NBPF26: variants seen among roughly 807,000 people sequenced by gnomAD.
NBPF26 encodes NBPF family member NBPF26.
NBPF26 carries 79 observed loss-of-function variants against 119.6 expected under a neutral mutation model. That is an observed-to-expected ratio of 0.66 (90% CI 0.55 to 0.80). NBPF26 has a LOEUF of 0.80. Ranked by LOEUF, NBPF26 falls within the 30% of genes least tolerant of loss-of-function variation. The pLI is 0.00. For missense variants in NBPF26, 800 were observed against 1,198.2 expected (o/e 0.67, Z 4.91); for synonymous variants, 299 against 457.7 (o/e 0.65, Z 4.43).
At chr1:120,752,579 T>TTTTTTC (rs1651036080) in intron 1 of NBPF26, among the ~76,000 whole-genome samples, 1 of 39,534 alleles carries the variant, frequency 2.5e-5, no homozygotes, top group Non-Finnish European at 4.1e-5. Flanking sequence ...TTTTTTCTTT[T>TTTTTTC]TTTTTTTTTC....
At chr1:120,793,653 C>T in intron 4 of NBPF26, 157 bp downstream of exon 4, 1 of 609,566 alleles carries the variant, frequency 1.6e-6, no homozygotes, top group Non-Finnish European at 2.9e-6. Context: ...TTTTATGGGC[C>T]CACTGTGGTC....
Position 120,805,397 on chromosome 1 carries a change from G to A in NBPF26, c.752-159G>A. 2.5e-6 allele frequency: 3 copies of A among 1,187,358 alleles called. 1 individual carries two copies. Among genetic ancestry groups the A allele is most frequent in the South Asian group, 1.4e-5 (1 of 69,204 alleles). The allele number at this position is 1,187,358 out of a possible 1,614,324, so 73.6% of individuals were successfully genotyped here. On this transcript the variant is annotated intron_variant, in intron 4 of 29. Transcript: ENST00000620612. ...TCTGAGTTGAGGCACCTCGAACCTT[G>A]TTTTTGTGGTGAAGGATCCTAAAGT...
In NBPF26 at chr1:120,809,855, G is replaced by A. The variant is rs1314173069; in HGVS notation, c.1324G>A (p.Glu442Lys). 1.5e-4 allele frequency: 222 copies of A among 1,477,186 alleles called. 1 individual carries two copies. Among genetic ancestry groups the A allele is most frequent in the Middle Eastern group, 2.1e-4 (1 of 4,702 alleles). The allele number at this position is 1,477,186 out of a possible 1,614,324, so 91.5% of individuals were successfully genotyped here. The change falls in exon 8 of 30, where the codon GAG (glutamate) becomes AAG (lysine). Residue 442 changes from glutamate (E) to lysine (K), a missense_variant. Glu to Lys is a moderately conservative substitution (Grantham distance 56). Transcript: ENST00000620612. ...TGAAGATGTTCAAGTTGAGGAGGAT[G>A]AGAAAGTACTGGAATCATCTGCCCC...
chr1:120,745,799 G>T (rs1650976592), intron 1 of NBPF26, among the ~76,000 whole-genome samples: 1 of 42,292 alleles, frequency 2.4e-5, no homozygotes, highest in African/African-American at 2.2e-4. Flanking sequence ...CTGGGCAATA[G>T]AGAGAGACTG....
chr1:120,762,482 A>C lies in NBPF26; in HGVS notation c.74-1146A>C, dbSNP rs1429495708. Reference sequence around the variant, plus strand: ...AGGCCTAGCGTCTCTCTGATCTTGCACAATTTATGCATAGAGTGGTGTGGT... The same window carrying C: ...AGGCCTAGCGTCTCTCTGATCTTGCCCAATTTATGCATAGAGTGGTGTGGT... On this transcript the variant is annotated intron_variant, in intron 1 of 29. Coordinates refer to ENST00000620612, the Ensembl canonical transcript of NBPF26. 3.5e-3 allele frequency among the ~76,000 whole-genome samples: 393 copies of C among 110,758 alleles called. 72 individuals carry two copies. Among genetic ancestry groups the C allele is most frequent in the Non-Finnish European group, 5.5e-3 (313 of 57,020 alleles). 72.7% of individuals were successfully genotyped at this position (110,758 alleles called of 152,430 possible). A position where few individuals can be genotyped will look rare whatever the true frequency, so the allele number is the denominator to read the frequency against.
Position 120,801,826 on chromosome 1 carries a change from CAAA to C in NBPF26, c.752-3707_752-3705del, listed in dbSNP as rs1168359637. Among the ~76,000 whole-genome samples, 14 of 9,074 alleles carry C rather than the reference CAAA, an allele frequency of 1.5e-3. 1 individual carries two copies. Among genetic ancestry groups the C allele is most frequent in the African/African-American group, 3.4e-3 (3 of 890 alleles). 6.0% of individuals were successfully genotyped at this position (9,074 alleles called of 152,430 possible). ...TGGGTGACAGAACAAGACCCTGTCT[CAAA>C]AAAAAAAAAAAAAAAAAAAAAAGGC... is the stretch of plus-strand genomic sequence containing the variant. On this transcript the variant is annotated intron_variant, in intron 4 of 29. Coordinates refer to ENST00000620612, the Ensembl canonical transcript of NBPF26.
chr1:120,781,708 C>T lies in NBPF26; in HGVS notation c.156-3266C>T, dbSNP rs1268128716. On this transcript the variant is annotated intron_variant, in intron 2 of 29. Coordinates refer to ENST00000620612, the Ensembl canonical transcript of NBPF26. ...CCTCCCGAGTAGCTGGGACTACAGG[C>T]GCCTGCCACCACGCCTGGCTAATTT... Among the ~76,000 whole-genome samples, 23 of 82,872 alleles carry T rather than the reference C, an allele frequency of 2.8e-4. 4 individuals are homozygous for T. Among genetic ancestry groups the T allele is most frequent in the South Asian group, 1.6e-3 (5 of 3,040 alleles). 54.4% of individuals were successfully genotyped at this position (82,872 alleles called of 152,430 possible).
intron 1 of NBPF26, among the ~76,000 whole-genome samples, chr1:120,745,782 C>T (rs1423288081): frequency 4.6e-5 from 2 of 43,916 alleles, no homozygotes; most frequent in East Asian, 9.0e-4. Flanking sequence ...CGCCATTGCA[C>T]TCCAACCTGG....
At position 120,840,514 on chromosome 1, in the gene NBPF26, A is replaced by T; in HGVS notation, c.4268A>T (p.Tyr1423Phe). ...GAAGAGCATATCAGCTTCGCCCTTT[A>T]CGTGGACAATAGGTTTTTTACTTTG... Residue 1423 changes from tyrosine (Y) to phenylalanine (F), a missense_variant, in exon 30 of 30, where the codon TAC becomes TTC. By Grantham distance (22) the Tyr-to-Phe change is conservative. Around this residue, in one of 13 missense-constraint regions of NBPF26, gnomAD observed 155 missense variants for 95.9 expected, o/e 1.62. Transcript: ENST00000620612. 2 of 1,475,240 alleles carry T rather than the reference A, an allele frequency of 1.4e-6. 1 individual carries two copies. The highest frequency in any genetic ancestry group is 1.8e-6 in the Non-Finnish European group (2 of 1,089,750). 91.4% of individuals were successfully genotyped at this position (1,475,240 alleles called of 1,614,324 possible).
chr1:120,816,752 G>A, exon 14 of NBPF26: 1 of 1,390,816 alleles, frequency 7.2e-7, no homozygotes, highest in Non-Finnish European at 9.6e-7. Context: ...CACATTTGAG[G>A]AAGACAAAGT....
At position 120,840,439 on chromosome 1, in the gene NBPF26, A is replaced by T. The variant is rs1652490824; in HGVS notation, c.4193A>T (p.Glu1398Val). The change falls in exon 30 of 30, where the codon GAA (glutamate) becomes GTA (valine). Residue 1398 changes from glutamate to valine, a missense_variant. Glu to Val is a moderately radical substitution (Grantham distance 121). Coordinates refer to ENST00000620612, the Ensembl canonical transcript of NBPF26. ...TATTCGACTCCGTCAATGTACTTTG[A>T]ACTACCTGACTCATTCCAGCACTAC... 6.1e-6 allele frequency: 9 copies of T among 1,474,576 alleles called. 2 individuals are homozygous for T. The highest frequency in any genetic ancestry group is 2.3e-5 in the East Asian group (1 of 44,424). The allele number at this position is 1,474,576 out of a possible 1,614,324, so 91.3% of individuals were successfully genotyped here.
At position 120,823,790 on chromosome 1, in the gene NBPF26, G is replaced by GTGTGTGTGTT. The variant is rs1379538903; in HGVS notation, c.2640-183_2640-182insGTGTGTGTTT. ...TGTGTGTGTGTGTGTGTGTGTGTGT[G>GTGTGTGTGTT]TCTTTCATCTTTTTCTACCTGGCCC... On this transcript the variant is annotated intron_variant, in intron 17 of 29. Transcript: ENST00000620612. Among the ~76,000 whole-genome samples, 14 of 109,786 alleles carry GTGTGTGTGTT rather than the reference G, an allele frequency of 1.3e-4. 2 individuals carry two copies. The highest frequency in any genetic ancestry group is 7.1e-4 in the African/African-American group (14 of 19,720). 72.0% of individuals were successfully genotyped at this position (109,786 alleles called of 152,430 possible). A position where few individuals can be genotyped will look rare whatever the true frequency, so the allele number is the denominator to read the frequency against.
At chr1:120,840,666 G>C (rs1553273618), downstream of NBPF26, 15,865 of 1,430,994 alleles carry the variant, frequency 0.011, 3,133 homozygotes, top group African/African-American at 0.12. Flanking sequence ...TTGAATGAAA[G>C]TACAGTTCCA....
intron 2 of NBPF26, among the ~76,000 whole-genome samples, chr1:120,770,071 TC>T (rs1651245078): frequency 8.6e-6 from 1 of 115,828 alleles, no homozygotes; most frequent in African/African-American, 3.5e-5. Flanking sequence ...ACTGATTTTT[TC>T]TTTTGCCTTA....
intron 1 of NBPF26, 46 bp downstream of exon 1, chr1:120,724,296 C>T (rs1263455749): frequency 7.3e-7 from 1 of 1,368,498 alleles, no homozygotes; most frequent in South Asian, 1.3e-5. Context: ...CCGGGGCTGC[C>T]ACCTGGGGCG....
chr1:120,823,758 G>GTGTGTGTGTA (rs1652186014), intron 17 of NBPF26, among the ~76,000 whole-genome samples: 1 of 102,940 alleles, frequency 9.7e-6, no homozygotes, highest in African/African-American at 6.1e-5. Context: ...CGCTCTGTGT[G>GTGTGTGTGTA]TGTGTGTGTG....
At chr1:120,823,859 T>C in intron 17 of NBPF26, 115 bp from the exon 18 acceptor site, 1 of 546,158 alleles carries the variant, frequency 1.8e-6, no homozygotes, top group Non-Finnish European at 3.2e-6. Flanking sequence ...ACCTCATTAA[T>C]GGATCTGTCC....
intron 18 of NBPF26, among the ~76,000 whole-genome samples, chr1:120,825,137 T>C (rs1165321003): frequency 1.6e-5 from 2 of 121,816 alleles, no homozygotes; most frequent in South Asian, 2.3e-4. Context: ...CCTCAAAGGC[T>C]GTATGGCAAC....
At chr1:120,813,000 G>A (rs1482827337) in intron 10 of NBPF26, among the ~76,000 whole-genome samples, 1 of 119,002 alleles carries the variant, frequency 8.4e-6, no homozygotes, top group East Asian at 2.1e-4. Flanking sequence ...CTTGGTGAGA[G>A]TGAAGTCCTG....
Sources: allele counts gnomAD v4.1 joint callset (sites outside exome capture counted in the v4.1 genomes callset), GRCh38; gene constraint gnomAD v4.1.1; regional missense constraint gnomAD v4.1.1; transcripts MANE v1.5; gene names NCBI Gene and HGNC (gene_info 2026-07-23, HGNC 2026-07-21).